Variants in ABCB1 observed in about 807,000 individuals in gnomAD.
ABCB1 encodes ATP binding cassette subfamily B member 1.
In ABCB1, 69 loss-of-function variants were observed where a neutral mutation model predicts 142.0. That is an observed-to-expected ratio of 0.49 (90% CI 0.40 to 0.59). ABCB1 has a LOEUF of 0.59. Ranked by LOEUF, ABCB1 falls within the 20% of genes least tolerant of loss-of-function variation. The probability of loss-of-function intolerance (pLI) is 0.00; values close to 1 mark genes in which losing one functional copy is unlikely to be tolerated. For synonymous variants in ABCB1, 532 were observed against 539.2 expected (o/e 0.99, Z 0.18); for missense variants, 1,326 against 1,554.7 (o/e 0.85, Z 2.47).
intron 1 of ABCB1, among the ~76,000 whole-genome samples, chr7:87,678,725 G>A (rs924341696): frequency 6.6e-6 from 1 of 152,046 alleles, no homozygotes; most frequent in African/African-American, 2.4e-5. Flanking sequence ...TAGGTTAAAA[G>A]GATAGAAAAA....
At chr7:87,712,409 G>GT (rs1354032118) in intron 1 of ABCB1, among the ~76,000 whole-genome samples, 1 of 151,960 alleles carries the variant, frequency 6.6e-6, no homozygotes, top group African/African-American at 2.4e-5. Flanking sequence ...ACAAAGAATC[G>GT]TATCAGAATC....
At chr7:87,541,850 G>A (rs1166818326) in intron 17 of ABCB1, among the ~76,000 whole-genome samples, 1 of 152,166 alleles carries the variant, frequency 6.6e-6, no homozygotes, top group Non-Finnish European at 1.5e-5. Flanking sequence ...GGGAAAACCT[G>A]ATGTGGTTTT....
At chr7:87,594,717 A>G (rs534572851) in intron 3 of ABCB1, among the ~76,000 whole-genome samples, 1 of 152,318 alleles carries the variant, frequency 6.6e-6, no homozygotes, top group Admixed American at 6.5e-5. Context: ...GAATAAAAGC[A>G]GGAGTCATGG....
At chr7:87,531,603 C>T in intron 20 of ABCB1, 106 bp from the exon 21 acceptor site, 1 of 1,023,632 alleles carries the variant, frequency 9.8e-7, no homozygotes, top group East Asian at 2.6e-5. Context: ...ATTATTTTAT[C>T]AGTAATGAAC....
intron 1 of ABCB1, among the ~76,000 whole-genome samples, chr7:87,614,162 A>T (rs1819953314): frequency 6.6e-6 from 1 of 152,178 alleles, no homozygotes; most frequent in Non-Finnish European, 1.5e-5. Flanking sequence ...TTGAGAGGCC[A>T]AAGCAGGAAG....
At chr7:87,656,160 T>C (rs1824079593) in intron 1 of ABCB1, among the ~76,000 whole-genome samples, 1 of 152,172 alleles carries the variant, frequency 6.6e-6, no homozygotes, top group African/African-American at 2.4e-5. Context: ...GTAATATGTA[T>C]ATTAATTTGT....
chr7:87,516,414 G>C (rs1382205908), intron 24 of ABCB1, 95 bp downstream of exon 24: 24 of 1,487,258 alleles, frequency 1.6e-5, no homozygotes, highest in Non-Finnish European at 2.2e-5. Flanking sequence ...TTTATCATCA[G>C]CATATTTGAA....
chr7:87,518,979 T>C (rs1815368706), intron 23 of ABCB1: 1 of 311,376 alleles, frequency 3.2e-6, no homozygotes, highest in Non-Finnish European at 6.0e-6. Flanking sequence ...ACTTGCTCTG[T>C]AAGAAAGTCC....
At chr7:87,589,805 G>GGAGAGAGAGAGAGAGAGAGAGAGAGA (rs370840500) in intron 3 of ABCB1, among the ~76,000 whole-genome samples, 11 of 105,376 alleles carry the variant, frequency 1.0e-4, no homozygotes, top group African/African-American at 4.7e-4. Context: ...GAGAGAGAGA[G>GGAGAGAGAGAGAGAGAGAGAGAGAGA]GAGAGAGAGA....
Position 87,572,554 on chromosome 7 carries a change from T to C in ABCB1, c.287-2331A>G, listed in dbSNP as rs143512430. Among the ~76,000 whole-genome samples, 958 of 152,302 alleles carry C rather than the reference T, an allele frequency of 6.3e-3. 47 individuals are homozygous for C. Among genetic ancestry groups the C allele is most frequent in the Admixed American group, 0.055 (845 of 15,302 alleles). ...CAAAGTGTACCAGTCAAAATAAAAA[T>C]TGGGCATTCAACAAAGAAGTATAAA... On this transcript the variant is annotated intron_variant, in intron 4 of 27. Coordinates refer to ENST00000622132, the MANE Select transcript of ABCB1 (RefSeq NM_001348946.2).
chr7:87,565,373 C>T, intron 7 of ABCB1: 1 of 407,930 alleles, frequency 2.5e-6, no homozygotes, highest in Non-Finnish European at 4.9e-6. Context: ...TTAAAATTAA[C>T]ACCATGTTCA....
intron 7 of ABCB1, chr7:87,565,483 T>C (rs897844224): frequency 6.4e-5 from 29 of 455,354 alleles, no homozygotes; most frequent in Admixed American, 2.4e-4. Context: ...GAGAGAGAGC[T>C]GAAGGCCAAG....
chr7:87,685,826 C>A (rs958415389), intron 1 of ABCB1, among the ~76,000 whole-genome samples: 2 of 152,164 alleles, frequency 1.3e-5, no homozygotes, highest in Non-Finnish European at 2.9e-5. Flanking sequence ...ATGTATAACT[C>A]CCCCAAATTC....
At chr7:87,660,658 T>C (rs1323572204) in intron 1 of ABCB1, among the ~76,000 whole-genome samples, 2 of 152,014 alleles carry the variant, frequency 1.3e-5, no homozygotes, top group East Asian at 1.9e-4. Flanking sequence ...TCCTCTGTTA[T>C]ATCTTCTTTG....
rs781123430 is a variant in ABCB1, at chr7:87,549,936, T to C, written c.1469A>G (p.Tyr490Cys). 6.2e-7 allele frequency: 1 copy of C among 1,614,218 alleles called. No homozygotes were observed. Among genetic ancestry groups the C allele is most frequent in the Non-Finnish European group, 8.5e-7 (1 of 1,180,034 alleles). ...ATCCATGGTGACATTTTCACGGCCA[T>C]AGCGAATGTTTTCAGCTATCGTGGT... ...FATTIAENIRYGRENVTMDEI... is the reference protein window; with the variant it reads ...FATTIAENIRCGRENVTMDEI... The change falls in exon 13 of 28, where the codon TAT becomes TGT. Residue 490 changes from tyrosine to cysteine, a missense_variant. Tyr to Cys is a radical substitution (Grantham distance 194, BLOSUM62 -2). Transcript: ENST00000622132.
chr7:87,609,283 T>C (rs575990194), intron 1 of ABCB1, among the ~76,000 whole-genome samples: 1 of 152,274 alleles, frequency 6.6e-6, no homozygotes, highest in East Asian at 1.9e-4. Flanking sequence ...GTGCCATGAA[T>C]ATATTGGAGA....
In ABCB1 at chr7:87,531,330, T is replaced by C; in HGVS notation, c.2649A>G (p.Ala883=). ...CTTCTAGTTCTTTCTTATCTTTCAG[T>C]GCTTGTCCAGACAACATTTTCATTT... ...VVEMKMLSGQ[A]LKDKKELEGS... The change falls in exon 21 of 28, where the codon GCA becomes GCG. Residue 883 remains alanine, a synonymous_variant. Coordinates refer to ENST00000622132, the MANE Select transcript of ABCB1 (RefSeq NM_001348946.2). 1.2e-6 allele frequency: 2 copies of C among 1,613,412 alleles called. No homozygotes were observed. Among genetic ancestry groups the C allele is most frequent in the Non-Finnish European group, 1.7e-6 (2 of 1,179,626 alleles).
intron 3 of ABCB1, among the ~76,000 whole-genome samples, chr7:87,589,851 A>G (rs1307988242): frequency 3.5e-5 from 5 of 144,320 alleles, no homozygotes; most frequent in Admixed American, 6.9e-5. Flanking sequence ...AGAGGGAGGG[A>G]GAGAGAGAGA....
At chr7:87,598,930 T>G (rs1412722119) in intron 2 of ABCB1, among the ~76,000 whole-genome samples, 1 of 152,164 alleles carries the variant, frequency 6.6e-6, no homozygotes, top group Middle Eastern at 3.2e-3. Context: ...GTTCATTTCT[T>G]TTAGGGAGGA....
Sources: gnomAD v4.1 joint callset for allele counts (sites outside exome capture counted in the v4.1 genomes callset) on GRCh38, gnomAD v4.1.1 for gene constraint, MANE v1.5 for transcripts, NCBI Gene and HGNC (gene_info 2026-07-23, HGNC 2026-07-21) for gene names.